TCF12: variants seen among roughly 807,000 people sequenced by gnomAD.
The protein encoded by TCF12 is transcription factor 12.
TCF12 carries 45 observed loss-of-function variants against 86.0 expected under a neutral mutation model. That is an observed-to-expected ratio of 0.52 (90% CI 0.41 to 0.67). TCF12 has a LOEUF of 0.67. Ranked by LOEUF, TCF12 falls within the 30% of genes least tolerant of loss-of-function variation. TCF12 has a pLI of 0.00. For missense variants in TCF12, 881 were observed against 859.9 expected (o/e 1.02, Z -0.31); for synonymous variants, 330 against 299.6 (o/e 1.10, Z -1.05).
chr15:57,031,112 T>G (rs768595215), intron 3 of TCF12, among the ~76,000 whole-genome samples: 4 of 152,226 alleles, frequency 2.6e-5, no homozygotes, highest in African/African-American at 9.6e-5. Flanking sequence ...TCAAAAGGAA[T>G]AGGGTGCAAA....
At chr15:57,238,344 G>C (rs1326622731) in intron 12 of TCF12, among the ~76,000 whole-genome samples, 1 of 152,038 alleles carries the variant, frequency 6.6e-6, no homozygotes, top group Non-Finnish European at 1.5e-5. Flanking sequence ...ACCAGTTGTT[G>C]ACATGGTTAG....
chr15:57,240,912 AG>A (rs2059596325), intron 12 of TCF12, among the ~76,000 whole-genome samples: 3 of 144,372 alleles, frequency 2.1e-5, no homozygotes, highest in Admixed American at 7.0e-5. Context: ...GAAAGGGAAA[AG>A]GTATGTTGAA....
chr15:57,163,859 G>C (rs185289435), intron 5 of TCF12, among the ~76,000 whole-genome samples: 2 of 152,298 alleles, frequency 1.3e-5, no homozygotes, highest in East Asian at 3.9e-4. Flanking sequence ...AGAGACTGAA[G>C]GGAACTGCCA....
rs1204777319 is a variant in TCF12 at position 57,286,791 on chromosome 15, T to C, written c.*646T>C. On this transcript the variant is annotated 3_prime_UTR_variant, in exon 21 of 21. Transcript: ENST00000333725. ...TGGTATAGCATTTCTCTTGCTCTCA[T>C]TTTTTGATTTATTTTTATTTTCTCT... 7.8e-6 allele frequency: 3 copies of C among 382,540 alleles called. No individual in the cohort carries two copies. The highest frequency in any genetic ancestry group is 6.4e-5 in the African/African-American group (3 of 47,154). The allele number at this position is 382,540 out of a possible 1,614,324, so 23.7% of individuals were successfully genotyped here. A position where few individuals can be genotyped will look rare whatever the true frequency, so the allele number is the denominator to read the frequency against.
intron 16 of TCF12, among the ~76,000 whole-genome samples, chr15:57,254,874 A>AG (rs1555410240): frequency 7.3e-5 from 8 of 108,882 alleles, no homozygotes; most frequent in Admixed American, 3.1e-4. Flanking sequence ...AAAAAAAAAA[A>AG]AAAGAAAGAA....
intron 6 of TCF12, among the ~76,000 whole-genome samples, chr15:57,188,495 A>C (rs1247947571): frequency 6.6e-6 from 1 of 152,198 alleles, no homozygotes; most frequent in Non-Finnish European, 1.5e-5. Flanking sequence ...ATGGAATTTC[A>C]AGATCCCAAG....
intron 7 of TCF12, among the ~76,000 whole-genome samples, chr15:57,193,432 T>C (rs1234414706): frequency 6.6e-6 from 1 of 152,216 alleles, no homozygotes; most frequent in African/African-American, 2.4e-5. Context: ...GCTCCCTTCT[T>C]TTATGTCTTA....
chr15:56,926,244 C>T (rs1315108106), intron 3 of TCF12, among the ~76,000 whole-genome samples: 1 of 150,476 alleles, frequency 6.6e-6, no homozygotes, highest in Admixed American at 6.6e-5. Flanking sequence ...ACCCAGGAGG[C>T]AGAGGTTACA....
intron 3 of TCF12, among the ~76,000 whole-genome samples, chr15:57,052,589 A>T (rs1416185465): frequency 1.3e-5 from 2 of 150,402 alleles, no homozygotes; most frequent in Admixed American, 1.3e-4. Flanking sequence ...GTGAGCCGAG[A>T]TTGCACCATT....
chr15:57,140,915 G>T (rs943163609), intron 5 of TCF12, among the ~76,000 whole-genome samples: 4 of 151,888 alleles, frequency 2.6e-5, no homozygotes, highest in Admixed American at 2.6e-4. Flanking sequence ...CTCTGTCAAG[G>T]TATTGTCCAA....
chr15:57,275,982 A>C (rs973469824), intron 19 of TCF12, among the ~76,000 whole-genome samples: 10 of 152,148 alleles, frequency 6.6e-5, no homozygotes, highest in Non-Finnish European at 1.3e-4. Flanking sequence ...TCATGACTAC[A>C]ACGTTATTTG....
intron 3 of TCF12, among the ~76,000 whole-genome samples, chr15:56,923,610 G>A (rs2059886362): frequency 6.6e-6 from 1 of 152,142 alleles, no homozygotes; most frequent in South Asian, 2.1e-4. Flanking sequence ...GCAGTGTATA[G>A]AAGGAAAGTT....
chr15:57,019,397 C>T (rs1287956708), intron 3 of TCF12, among the ~76,000 whole-genome samples: 1 of 152,250 alleles, frequency 6.6e-6, no homozygotes. Context: ...AGTGTTATTG[C>T]AGTAAAGAAA....
chr15:57,087,041 CTCTCCCTCTG>C (rs879501401), intron 4 of TCF12, among the ~76,000 whole-genome samples: 179 of 150,592 alleles, frequency 1.2e-3, no homozygotes, highest in Middle Eastern at 3.4e-3. Context: ...CTTCCCCTCT[CTCTCCCTCTG>C]TCTCCCTCTG....
At chr15:57,221,412 G>GTGCA (rs60690626) in intron 8 of TCF12, among the ~76,000 whole-genome samples, 9 of 147,804 alleles carry the variant, frequency 6.1e-5, no homozygotes, top group African/African-American at 2.2e-4. Context: ...GTGTGTGTGT[G>GTGCA]CACGTGTATA....
chr15:57,131,133 TC>T (rs1380673983), intron 5 of TCF12, among the ~76,000 whole-genome samples: 5 of 152,226 alleles, frequency 3.3e-5, no homozygotes, highest in African/African-American at 1.2e-4. Flanking sequence ...GTAGGTGCTT[TC>T]ACTTAGGACT....
chr15:56,944,767 A>G (rs753078236), intron 3 of TCF12, among the ~76,000 whole-genome samples: 2 of 152,176 alleles, frequency 1.3e-5, no homozygotes, highest in African/African-American at 4.8e-5. Flanking sequence ...TAACTGCAAA[A>G]TAGTATGAGA....
chr15:57,180,554 A>C (rs898282947), intron 6 of TCF12, among the ~76,000 whole-genome samples: 4 of 152,168 alleles, frequency 2.6e-5, no homozygotes, highest in Middle Eastern at 3.4e-3. Flanking sequence ...TCCCTCCCCC[A>C]AAAAATAAAT....
At chr15:57,150,010 A>G (rs2011721) in intron 5 of TCF12, among the ~76,000 whole-genome samples, 2,129 of 152,298 alleles carry the variant, frequency 0.014, 56 homozygotes, top group African/African-American at 0.045. Flanking sequence ...GCACTCCATG[A>G]GAGCAGGAAA....
Sources: allele counts gnomAD v4.1 joint callset (sites outside exome capture counted in the v4.1 genomes callset), GRCh38; gene constraint gnomAD v4.1.1; transcripts MANE v1.5; gene names NCBI Gene and HGNC (gene_info 2026-07-23, HGNC 2026-07-21).